NFATC1: variants seen among roughly 807,000 people sequenced by gnomAD.
The protein encoded by NFATC1 is nuclear factor of activated T-cells, cytoplasmic 1.
A neutral mutation model predicts 76.0 loss-of-function variants in NFATC1; 22 were observed. The observed-to-expected ratio is 0.29, with a 90% confidence interval of 0.21 to 0.41. The LOEUF (loss-of-function observed/expected upper bound fraction) is 0.41, where lower values mean the gene tolerates loss of function less well. Ranked by LOEUF, NFATC1 falls within the 10% of genes least tolerant of loss-of-function variation. NFATC1 has a pLI of 1.00. For synonymous variants in NFATC1, 704 were observed against 613.1 expected, an observed-to-expected ratio of 1.15 and a Z score of -2.19; for missense variants, 1,357 against 1,337.7, an observed-to-expected ratio of 1.01 and a Z score of -0.23.
At chr18:79,402,435 C>A (rs534477631) in intron 1 of NFATC1, 12 of 973,826 alleles carry the variant, frequency 1.2e-5, no homozygotes, top group Non-Finnish European at 1.5e-5. Flanking sequence ...CCAAAACACT[C>A]CTTGAGCAGA....
intron 2 of NFATC1, among the ~76,000 whole-genome samples, chr18:79,428,511 C>T (rs28402123): frequency 0.017 from 2,532 of 152,194 alleles, 66 homozygotes; most frequent in African/African-American, 0.059. Context: ...AGGGCATGAC[C>T]GGAGATGTGG....
chr18:79,526,277 G>A (rs1601027421), intron 9 of NFATC1, among the ~76,000 whole-genome samples: 2 of 152,364 alleles, frequency 1.3e-5, no homozygotes, highest in East Asian at 1.9e-4. Context: ...GCGGGAGCCC[G>A]GGCTCCTTCT....
intron 2 of NFATC1, among the ~76,000 whole-genome samples, chr18:79,418,659 T>A (rs2085962076): frequency 6.6e-6 from 1 of 152,218 alleles, no homozygotes; most frequent in Non-Finnish European, 1.5e-5. Context: ...GTTGAGAAGA[T>A]CATGCCTCCT....
intron 2 of NFATC1, among the ~76,000 whole-genome samples, chr18:79,432,946 CG>C (rs2086650056): frequency 6.6e-6 from 1 of 152,228 alleles, no homozygotes; most frequent in African/African-American, 2.4e-5. Context: ...TCATGCAGCT[CG>C]TGTCCCTCTG....
rs2090844038 is a variant in NFATC1, at chr18:79,529,303, A to G, written c.*1726A>G. 1.3e-5 allele frequency: 2 copies of G among 152,160 alleles called. No individual in the cohort carries two copies. Among genetic ancestry groups the G allele is most frequent in the African/African-American group, 4.8e-5 (2 of 41,426 alleles). 9.4% of individuals were successfully genotyped at this position (152,160 alleles called of 1,614,324 possible). On this transcript the variant is annotated 3_prime_UTR_variant, in exon 10 of 10. Transcript: ENST00000427363. ...TTGTAGTTAGGAAATAGATCCAATA[A>G]AGCCGTATTTTTTTGCTGGACAGGC... is the stretch of plus-strand genomic sequence containing the variant.
chr18:79,457,193 G>T (rs1044375418), intron 6 of NFATC1, among the ~76,000 whole-genome samples: 3 of 152,130 alleles, frequency 2.0e-5, no homozygotes, highest in African/African-American at 7.2e-5. Flanking sequence ...AGGCTTCTCT[G>T]TTTGCTCCCA....
chr18:79,486,015 G>A (rs1210014378), intron 8 of NFATC1, among the ~76,000 whole-genome samples: 1 of 152,170 alleles, frequency 6.6e-6, no homozygotes, highest in Non-Finnish European at 1.5e-5. Flanking sequence ...TAGCACGTTA[G>A]TGCTGCAGGA....
intron 3 of NFATC1, among the ~76,000 whole-genome samples, chr18:79,434,741 A>G (rs2086712629): frequency 6.6e-6 from 1 of 152,230 alleles, no homozygotes; most frequent in African/African-American, 2.4e-5. Flanking sequence ...CATTTAGATA[A>G]ATAGTGGAGA....
intron 2 of NFATC1, among the ~76,000 whole-genome samples, chr18:79,423,103 G>A (rs1190833784): frequency 2.0e-5 from 3 of 151,644 alleles, no homozygotes; most frequent in East Asian, 1.9e-4. Flanking sequence ...TGGGAGGGTT[G>A]GGGCGCGTAC....
At chr18:79,427,884 C>CGGTGGGGGTCGGGGG (rs2086444903) in intron 2 of NFATC1, among the ~76,000 whole-genome samples, 1 of 114,040 alleles carries the variant, frequency 8.8e-6, no homozygotes, top group Admixed American at 1.1e-4. Flanking sequence ...GGCCTCTGTG[C>CGGTGGGGGTCGGGGG]AGTGAGTCGG....
intron 8 of NFATC1, 130 bp downstream of exon 8, chr18:79,467,712 TGAGACC>T (rs2088586760): frequency 1.6e-5 from 22 of 1,394,334 alleles, no homozygotes; most frequent in Non-Finnish European, 1.6e-5. Context: ...GTCCCGTTAG[TGAGACC>T]GAGCCATCGA....
chr18:79,458,138 T>C lies in NFATC1; in HGVS notation c.1904-3173T>C, dbSNP rs1030303835. Among the ~76,000 whole-genome samples the C allele has an allele frequency of 2.0e-5, 3 of 152,310 alleles. No individual in the cohort carries two copies. The East Asian group carries it at 5.8e-4, about 30-fold the overall frequency. On this transcript the variant is annotated intron_variant, in intron 6 of 9. Coordinates refer to ENST00000427363, the MANE Select transcript of NFATC1 (RefSeq NM_001278669.2). The stretch of plus-strand genomic sequence containing the variant: ...CACAGGGTGGCTCCGTGTGAGGCCC[T>C]GCAGGCAGATGTGCAGCAGGGCTGG...
At position 79,527,776 on chromosome 18, in the gene NFATC1, A is replaced by G. The variant is rs1052025; in HGVS notation, c.*199A>G. ...AGGGAGGAAGGGAGACCACTGTGTCACCTGGAGGAGAAGTCATCTCATGAC... is the reference window on the plus strand; with the variant it reads ...AGGGAGGAAGGGAGACCACTGTGTCGCCTGGAGGAGAAGTCATCTCATGAC... On this transcript the variant is annotated 3_prime_UTR_variant, in exon 10 of 10. Transcript: ENST00000427363. 0.076 allele frequency: 45,155 copies of G among 595,838 alleles called. 3,135 individuals carry two copies. The highest frequency in any genetic ancestry group is 0.28 in the African/African-American group (15,201 of 54,000). 36.9% of individuals were successfully genotyped at this position (595,838 alleles called of 1,614,324 possible).
intron 3 of NFATC1, among the ~76,000 whole-genome samples, chr18:79,435,443 G>T (rs1320589025): frequency 6.6e-6 from 1 of 151,942 alleles, no homozygotes; most frequent in Non-Finnish European, 1.5e-5. Flanking sequence ...CTGTCTCCTG[G>T]GTTCAAGTGA....
At chr18:79,402,279 A>G in intron 1 of NFATC1, 12 of 963,442 alleles carry the variant, frequency 1.2e-5, no homozygotes, top group Non-Finnish European at 1.5e-5. Flanking sequence ...CAGTTTATAC[A>G]CCATTTTGAG....
rs1063670 is a variant in NFATC1 at position 79,411,130 on chromosome 18, G to C, written c.855G>C (p.Pro285=). 2.4e-5 allele frequency: 39 copies of C among 1,612,114 alleles called. No individual in the cohort carries two copies. Among genetic ancestry groups the C allele is most frequent in the Admixed American group, 3.3e-5 (2 of 59,970 alleles). The change falls in exon 2 of 10, where the codon CCG becomes CCC. Residue 285 remains proline (P), a synonymous_variant. Coordinates refer to ENST00000427363, the MANE Select transcript of NFATC1 (RefSeq NM_001278669.2). ...PPYSPHHSPT[P]SPHGSPRVSV... ...ACTCACCCCACCACTCGCCCACGCC[G>C]TCCCCGCACGGCTCCCCGCGGGTCA...
intron 6 of NFATC1, among the ~76,000 whole-genome samples, chr18:79,459,256 C>T (rs2087920648): frequency 6.6e-6 from 1 of 152,244 alleles, no homozygotes; most frequent in Admixed American, 6.5e-5. Flanking sequence ...CGTGGCTCCC[C>T]TTGGGGCCGC....
At chr18:79,508,836 T>C (rs2090178872) in intron 9 of NFATC1, among the ~76,000 whole-genome samples, 1 of 150,836 alleles carries the variant, frequency 6.6e-6, no homozygotes, top group Non-Finnish European at 1.5e-5. Flanking sequence ...TCCGTGTGTC[T>C]CTGTCTCTCT....
chr18:79,424,093 G>A (rs898927790), intron 2 of NFATC1, among the ~76,000 whole-genome samples: 14 of 152,370 alleles, frequency 9.2e-5, no homozygotes, highest in Admixed American at 3.9e-4. Context: ...AGAAAACCAC[G>A]TGGTCTGTGG....
Sources: gnomAD v4.1 joint callset for allele counts (sites outside exome capture counted in the v4.1 genomes callset) on GRCh38, gnomAD v4.1.1 for gene constraint, MANE v1.5 for transcripts, NCBI Gene and HGNC (gene_info 2026-07-23, HGNC 2026-07-21) for gene names.